Variants in ZBTB2 observed in about 807,000 individuals in gnomAD.
ZBTB2 encodes zinc finger and BTB domain-containing protein 2.
A neutral mutation model predicts 39.5 loss-of-function variants in ZBTB2; 2 were observed. The observed-to-expected ratio is 0.05, with a 90% confidence interval of 0.02 to 0.16. The LOEUF is 0.16. Ranked by LOEUF, ZBTB2 falls within the 10% of genes least tolerant of loss-of-function variation. ZBTB2 has a pLI of 1.00. For missense variants in ZBTB2, 391 were observed against 653.0 expected, an observed-to-expected ratio of 0.60 and a Z score of 4.37; for synonymous variants, 251 against 256.6, an observed-to-expected ratio of 0.98 and a Z score of 0.21.
Position 151,385,586 on chromosome 6 carries a change from A to C in ZBTB2, c.-13+5834T>G, listed in dbSNP as rs931875892. On this transcript the variant is annotated intron_variant, in intron 1 of 2. Coordinates refer to ENST00000325144, the MANE Select transcript of ZBTB2 (RefSeq NM_020861.3). ...GATAATAGCTGTTCTAAGACACTAA[A>C]CACCACTTACACTACCCATTTCAAG... 5.3e-5 allele frequency among the ~76,000 whole-genome samples: 8 copies of C among 152,322 alleles called. No homozygotes were observed. In the South Asian group the frequency reaches 6.2e-4, roughly 12 times the overall value.
rs1778651833 is a variant in ZBTB2 at position 151,366,428 on chromosome 6, G to A, written c.638C>T (p.Pro213Leu). The A allele has an allele frequency of 1.2e-6, 2 of 1,613,978 alleles. No individual in the cohort carries two copies. The highest frequency in any genetic ancestry group is 1.3e-5 in the African/African-American group (1 of 74,888). Reference sequence around the variant, plus strand: ...ATTGGTCTCCTCCCCGGGAGGAGGGGGAGGAACAGGAGTGGAAACAAGTTC... The same window carrying A: ...ATTGGTCTCCTCCCCGGGAGGAGGGAGAGGAACAGGAGTGGAAACAAGTTC... Reference protein sequence around the residue: ...SPELVSTPVPPPPPGEETNLE... With the variant: ...SPELVSTPVPLPPPGEETNLE... The change falls in exon 3 of 3, where the codon CCC becomes CTC. Residue 213 changes from proline (P) to leucine (L), a missense_variant. By Grantham distance (98) the Pro-to-Leu change is moderately conservative. Coordinates refer to ENST00000325144, the MANE Select transcript of ZBTB2 (RefSeq NM_020861.3). This position sits in a 1 kb window ranked among gnomAD's most constrained non-coding sequence, Gnocchi z 7.1.
At chr6:151,376,637 A>T (rs1778915054) in intron 1 of ZBTB2, among the ~76,000 whole-genome samples, 1 of 152,236 alleles carries the variant, frequency 6.6e-6, no homozygotes, top group Non-Finnish European at 1.5e-5. Flanking sequence ...AAAGCAAATT[A>T]AAACCACAGT....
At chr6:151,380,910 T>C (rs1393570868) in intron 1 of ZBTB2, among the ~76,000 whole-genome samples, 1 of 152,150 alleles carries the variant, frequency 6.6e-6, no homozygotes, top group East Asian at 1.9e-4. Flanking sequence ...CTCCCTGTCC[T>C]CTCACTGCCA....
chr6:151,390,815 G>A (rs1167337842), intron 1 of ZBTB2, among the ~76,000 whole-genome samples: 2 of 140,544 alleles, frequency 1.4e-5, no homozygotes, highest in Non-Finnish European at 3.1e-5. Context: ...TCGCGGCCTT[G>A]CCGCCGAAGC....
At chr6:151,388,557 T>C (rs1255344886) in intron 1 of ZBTB2, among the ~76,000 whole-genome samples, 1 of 152,188 alleles carries the variant, frequency 6.6e-6, no homozygotes, top group Non-Finnish European at 1.5e-5. Flanking sequence ...TTAATAGAGA[T>C]GTGGGATCTA....
chr6:151,378,506 A>C (rs1582920265), intron 1 of ZBTB2, among the ~76,000 whole-genome samples: 1 of 152,238 alleles, frequency 6.6e-6, no homozygotes, highest in East Asian at 1.9e-4. Flanking sequence ...GCTGGGTTGC[A>C]AAAGTAACCT....
rs1293925176 is a variant in ZBTB2, at chr6:151,364,480, C to A, written c.*1041G>T. 6.6e-6 allele frequency: 1 copy of A among 152,458 alleles called. No individual in the cohort carries two copies. Among genetic ancestry groups the A allele is most frequent in the African/African-American group, 2.4e-5 (1 of 41,460 alleles). 9.4% of individuals were successfully genotyped at this position (152,458 alleles called of 1,614,324 possible). On this transcript the variant is annotated 3_prime_UTR_variant, in exon 3 of 3. Coordinates refer to ENST00000325144, the MANE Select transcript of ZBTB2 (RefSeq NM_020861.3). The stretch of plus-strand genomic sequence containing the variant: ...AATTAGATTTTTTGTCCTGATTTCT[C>A]TTTGCCATTTATTTTTGATGCTTCA...
At chr6:151,371,064 T>C (rs1460768258) in intron 2 of ZBTB2, among the ~76,000 whole-genome samples, 1 of 152,250 alleles carries the variant, frequency 6.6e-6, no homozygotes, top group African/African-American at 2.4e-5. Context: ...TTGAATTCAC[T>C]GTGTTGAGAC....
chr6:151,367,085 CCA>C (rs1778667490), intron 2 of ZBTB2, among the ~76,000 whole-genome samples, 193 bp from the exon 3 acceptor site: 1 of 151,838 alleles, frequency 6.6e-6, no homozygotes, highest in African/African-American at 2.4e-5. Context: ...ATATCTTAAT[CCA>C]CAGATTCTTA....
rs1238843743 is a variant in ZBTB2, at chr6:151,391,515, C to CT, written c.-109_-108insA. The CT allele has an allele frequency of 6.5e-6, 1 of 153,120 alleles. No individual in the cohort carries two copies. The highest frequency in any genetic ancestry group is 1.4e-5 in the Non-Finnish European group (1 of 69,350). 9.5% of individuals were successfully genotyped at this position (153,120 alleles called of 1,614,324 possible). A position where few individuals can be genotyped will look rare whatever the true frequency, so the allele number is the denominator to read the frequency against. Reference sequence around the variant, plus strand: ...CCCCGCCGCCGCCGCCTCTGCCTCTCGCTGCTGCTGCTGCTGCTGCCGCCG... The same window carrying CT: ...CCCCGCCGCCGCCGCCTCTGCCTCTCTGCTGCTGCTGCTGCTGCTGCCGCCG... On this transcript the variant is annotated 5_prime_UTR_variant, in exon 1 of 3. Coordinates refer to ENST00000325144, the MANE Select transcript of ZBTB2 (RefSeq NM_020861.3).
At chr6:151,373,376 G>A (rs966018344) in intron 2 of ZBTB2, 89 bp downstream of exon 2, 5 of 1,452,732 alleles carry the variant, frequency 3.4e-6, no homozygotes, top group Admixed American at 1.8e-5. Context: ...GCTAGGAGAC[G>A]TAGAGAGACC....
At chr6:151,385,978 C>G (rs1193382200) in intron 1 of ZBTB2, among the ~76,000 whole-genome samples, 1 of 152,042 alleles carries the variant, frequency 6.6e-6, no homozygotes, top group African/African-American at 2.4e-5. Flanking sequence ...GAGGCATAAA[C>G]AGCACTTATT....
intron 1 of ZBTB2, among the ~76,000 whole-genome samples, chr6:151,387,322 CT>C (rs1472969394): frequency 2.0e-5 from 3 of 151,960 alleles, no homozygotes; most frequent in Non-Finnish European, 2.9e-5. Context: ...AAAATATCGG[CT>C]CACTGAATTA....
rs908812650 is a variant in ZBTB2, at chr6:151,365,179, G to A, written c.*342C>T. ...TGAGAAGACTTTTTACCCAGGGAAA[G>A]TCATAATTTTAGCTTACCAAATTGG... On this transcript the variant is annotated 3_prime_UTR_variant, in exon 3 of 3. Coordinates refer to ENST00000325144, the MANE Select transcript of ZBTB2 (RefSeq NM_020861.3). The surrounding 1 kb of genome is among the most constrained non-coding windows in gnomAD (Gnocchi z 5.6). 1 of 200,870 alleles carries A rather than the reference G, an allele frequency of 5.0e-6. No homozygotes were observed. Among genetic ancestry groups the A allele is most frequent in the Admixed American group, 5.2e-5 (1 of 19,086 alleles). The allele number at this position is 200,870 out of a possible 1,614,324, so 12.4% of individuals were successfully genotyped here. A position where few individuals can be genotyped will look rare whatever the true frequency, so the allele number is the denominator to read the frequency against.
intron 1 of ZBTB2, among the ~76,000 whole-genome samples, chr6:151,389,026 C>G (rs1211830825): frequency 6.6e-6 from 1 of 152,240 alleles, no homozygotes; most frequent in Admixed American, 6.5e-5. Context: ...GCTTCAATAA[C>G]TGGACAATTC....
Position 151,364,400 on chromosome 6 carries a change from A to C in ZBTB2, c.*1121T>G, listed in dbSNP as rs1318630161. ...GCATTAAGAAAGAAGAAAGAAAAAAAAACAACCAAAAACCTGGAGAATAAA... is the reference window on the plus strand; with the variant it reads ...GCATTAAGAAAGAAGAAAGAAAAAACAACAACCAAAAACCTGGAGAATAAA... On this transcript the variant is annotated 3_prime_UTR_variant, in exon 3 of 3. Transcript: ENST00000325144. The C allele has an allele frequency of 6.5e-6, 1 of 152,674 alleles. No homozygotes were observed. The highest frequency in any genetic ancestry group is 1.5e-5 in the Non-Finnish European group (1 of 68,050). The allele number at this position is 152,674 out of a possible 1,614,324, so 9.5% of individuals were successfully genotyped here.
intron 1 of ZBTB2, among the ~76,000 whole-genome samples, chr6:151,380,493 C>T (rs1562769423): frequency 6.6e-6 from 1 of 152,222 alleles, no homozygotes; most frequent in African/African-American, 2.4e-5. Flanking sequence ...CTGGCATCCT[C>T]GTGGATGGCT....
At chr6:151,377,823 C>T (rs968534604) in intron 1 of ZBTB2, among the ~76,000 whole-genome samples, 10 of 151,804 alleles carry the variant, frequency 6.6e-5, no homozygotes, top group African/African-American at 2.2e-4. Flanking sequence ...CGTGAGCCAC[C>T]GTGCCCGGGC....
Position 151,373,027 on chromosome 6 carries a change from T to C in ZBTB2, c.173+438A>G, listed in dbSNP as rs976310038. 1.2e-4 allele frequency among the ~76,000 whole-genome samples: 18 copies of C among 151,030 alleles called. No individual in the cohort carries two copies. In the South Asian group the frequency reaches 1.7e-3, roughly 14 times the overall value. On this transcript the variant is annotated intron_variant, in intron 2 of 2. Coordinates refer to ENST00000325144, the MANE Select transcript of ZBTB2 (RefSeq NM_020861.3). The stretch of plus-strand genomic sequence containing the variant: ...AATATTAGCCGGGCGTGGCGGCGGG[T>C]GCCTGTAGTCCCAGCTACTCGGGAG...
Sources: gnomAD v4.1 joint callset for allele counts (sites outside exome capture counted in the v4.1 genomes callset) on GRCh38, gnomAD v4.1.1 for gene constraint, Gnocchi (gnomAD v3.1) non-coding constraint, MANE v1.5 for transcripts, NCBI Gene and HGNC (gene_info 2026-07-23, HGNC 2026-07-21) for gene names.